RBFOX1: variants seen among roughly 807,000 people sequenced by gnomAD.
The protein encoded by RBFOX1 is RNA binding protein fox-1 homolog 1.
RBFOX1 carries 8 observed loss-of-function variants against 57.7 expected under a neutral mutation model. The ratio of observed to expected loss-of-function variants is 0.14; its 90% confidence interval spans 0.08 to 0.25. The LOEUF (loss-of-function observed/expected upper bound fraction) is 0.25, where lower values mean the gene tolerates loss of function less well. RBFOX1 is among the 10% of genes least tolerant of loss of function. The pLI is 1.00. For synonymous variants in RBFOX1, 326 were observed against 222.4 expected, an observed-to-expected ratio of 1.47 and a Z score of -4.15; for missense variants, 611 against 548.5, an observed-to-expected ratio of 1.11 and a Z score of -1.14.
intron 11 of RBFOX1, among the ~76,000 whole-genome samples, chr16:7,644,799 T>A (rs183960094): frequency 2.2e-4 from 33 of 152,154 alleles, no homozygotes; most frequent in Non-Finnish European, 4.1e-4. Flanking sequence ...CAGGGTAATA[T>A]GATGGTAACT....
chr16:5,680,561 C>G (rs190434201), intron 3 of RBFOX1, among the ~76,000 whole-genome samples: 44 of 152,258 alleles, frequency 2.9e-4, no homozygotes, highest in African/African-American at 1.0e-3. Flanking sequence ...AGTCTCTAGA[C>G]TTCAGTAGAC....
intron 12 of RBFOX1, 110 bp downstream of exon 12, chr16:7,654,057 C>T (rs1373684062): frequency 7.6e-6 from 9 of 1,181,016 alleles, no homozygotes; most frequent in South Asian, 6.5e-5. Flanking sequence ...CCGCCACCCC[C>T]AGAACCGCCC....
chr16:5,630,702 T>A (rs2048480292), intron 3 of RBFOX1, among the ~76,000 whole-genome samples: 2 of 152,112 alleles, frequency 1.3e-5, no homozygotes, highest in East Asian at 1.9e-4. Context: ...TCTTTTTCTA[T>A]CCTGATGGAC....
intron 1 of RBFOX1, among the ~76,000 whole-genome samples, chr16:6,143,983 C>CTA (rs2096738978): frequency 8.2e-6 from 1 of 121,540 alleles, no homozygotes; most frequent in Non-Finnish European, 1.7e-5. Context: ...ATATATATAT[C>CTA]TCTACCTACC....
intron 1 of RBFOX1, among the ~76,000 whole-genome samples, chr16:5,283,881 A>T (rs1218026058): frequency 1.3e-5 from 2 of 151,964 alleles, no homozygotes; most frequent in Admixed American, 6.6e-5. Context: ...TTGGGAAGGC[A>T]TGATTGGTTT....
At chr16:7,253,277 G>A (rs1162747104) in intron 4 of RBFOX1, among the ~76,000 whole-genome samples, 1 of 152,178 alleles carries the variant, frequency 6.6e-6, no homozygotes, top group Non-Finnish European at 1.5e-5. Flanking sequence ...AAATCATTCT[G>A]TCAGTTCTGT....
At chr16:5,984,421 G>A (rs1421357633) in intron 4 of RBFOX1, among the ~76,000 whole-genome samples, 1 of 151,634 alleles carries the variant, frequency 6.6e-6, no homozygotes, top group Non-Finnish European at 1.5e-5. Flanking sequence ...AGGGAGAAGA[G>A]GAACGCATCA....
At chr16:5,619,140 G>A (rs539253485) in intron 3 of RBFOX1, among the ~76,000 whole-genome samples, 3 of 152,294 alleles carry the variant, frequency 2.0e-5, no homozygotes, top group Admixed American at 6.5e-5. Context: ...TTTACAAGAC[G>A]TGCAAAGGGG....
chr16:7,399,822 C>T (rs1449981371), intron 4 of RBFOX1, among the ~76,000 whole-genome samples: 1 of 152,156 alleles, frequency 6.6e-6, no homozygotes, highest in African/African-American at 2.4e-5. Flanking sequence ...CTTAGACATA[C>T]CTGTTGTGGG....
chr16:6,778,276 A>G (rs1235732168), intron 3 of RBFOX1, among the ~76,000 whole-genome samples: 1 of 152,144 alleles, frequency 6.6e-6, no homozygotes, highest in East Asian at 1.9e-4. Context: ...TTATTGTACA[A>G]AGTAACAAAC....
chr16:5,533,835 A>G (rs1352265777), intron 2 of RBFOX1, among the ~76,000 whole-genome samples: 8 of 152,144 alleles, frequency 5.3e-5, no homozygotes, highest in Admixed American at 5.2e-4. Flanking sequence ...TGTGGCTTTC[A>G]TATGGAGCTG....
chr16:7,424,878 C>A (rs1236732485), intron 4 of RBFOX1, among the ~76,000 whole-genome samples: 3 of 152,136 alleles, frequency 2.0e-5, no homozygotes, highest in East Asian at 3.9e-4. Flanking sequence ...GACTGAATGA[C>A]CCCCTACTGA....
At chr16:5,441,349 A>G (rs1160797782) in intron 1 of RBFOX1, among the ~76,000 whole-genome samples, 1 of 145,758 alleles carries the variant, frequency 6.9e-6, no homozygotes, top group Non-Finnish European at 1.5e-5. Context: ...TGGTTAATTT[A>G]TAAAGGAAAG....
At chr16:6,681,677 A>AG (rs2058676372) in intron 3 of RBFOX1, among the ~76,000 whole-genome samples, 1 of 151,988 alleles carries the variant, frequency 6.6e-6, no homozygotes, top group Non-Finnish European at 1.5e-5. Context: ...ACCAGAAAAA[A>AG]AAAAAAAAAA....
At position 5,364,306 on chromosome 16, in the gene RBFOX1, G is replaced by C. The variant is rs560460130; in HGVS notation, c.220-102910G>C. On this transcript the variant is annotated intron_variant, in intron 1 of 2. Transcript: ENST00000585867. ...CCCAGGGGTGCACAGAAGGCGCATA[G>C]AGTCCCTGGCTAGGCTTTCTTCCTT... 4.6e-5 allele frequency among the ~76,000 whole-genome samples: 7 copies of C among 152,332 alleles called. No individual in the cohort carries two copies. In the South Asian group the frequency reaches 1.2e-3, roughly 27 times the overall value.
intron 1 of RBFOX1, among the ~76,000 whole-genome samples, chr16:5,248,987 CAAAAAA>C (rs56146545): frequency 1.3e-4 from 8 of 63,334 alleles, no homozygotes; most frequent in East Asian, 1.1e-3. Flanking sequence ...GACTCCATCT[CAAAAAA>C]AAAAAAAAAA....
chr16:5,986,222 G>A (rs2060283557), intron 4 of RBFOX1, among the ~76,000 whole-genome samples: 3 of 151,930 alleles, frequency 2.0e-5, no homozygotes, highest in Admixed American at 2.0e-4. Flanking sequence ...CACCACCCCA[G>A]CTGGCTAATT....
chr16:6,923,241 T>A (rs2074876236), intron 3 of RBFOX1, among the ~76,000 whole-genome samples: 1 of 152,134 alleles, frequency 6.6e-6, no homozygotes, highest in African/African-American at 2.4e-5. Flanking sequence ...GGCTGCTAGA[T>A]GTGGTATCCT....
chr16:5,625,799 C>T (rs1187125991), intron 3 of RBFOX1, among the ~76,000 whole-genome samples: 5 of 152,140 alleles, frequency 3.3e-5, no homozygotes, highest in Non-Finnish European at 7.3e-5. Flanking sequence ...CTCAGGTGAT[C>T]TGTCTGCCTC....
Sources: allele counts gnomAD v4.1 joint callset (sites outside exome capture counted in the v4.1 genomes callset), GRCh38; gene constraint gnomAD v4.1.1; transcripts MANE v1.5; gene names NCBI Gene and HGNC (gene_info 2026-07-23, HGNC 2026-07-21).